ZNF365: variants seen among roughly 807,000 people sequenced by gnomAD.
ZNF365 encodes the protein zinc finger protein 365.
Under a neutral mutation model 35.0 loss-of-function variants are expected in ZNF365, and 22 were observed. The observed-to-expected ratio is 0.63, with a 90% CI of 0.45 to 0.90. ZNF365 has a LOEUF of 0.90. Ranked by LOEUF, ZNF365 falls within the 40% of genes least tolerant of loss-of-function variation. ZNF365 has a pLI of 0.00. For synonymous variants in ZNF365, 188 were observed against 196.2 expected, an observed-to-expected ratio of 0.96 and a Z score of 0.35; for missense variants, 448 against 500.3, an observed-to-expected ratio of 0.90 and a Z score of 1.00.
At chr10:62,443,825 T>C (rs1840541282) in intron 3 of ZNF365, among the ~76,000 whole-genome samples, 1 of 152,164 alleles carries the variant, frequency 6.6e-6, no homozygotes, top group Non-Finnish European at 1.5e-5. Flanking sequence ...CACTGAGAAC[T>C]AATGTCCCTG....
At position 62,376,515 on chromosome 10, in the gene ZNF365, C is replaced by A. The variant is rs764768576; in HGVS notation, c.322C>A (p.His108Asn). Reference protein sequence around the residue: ...YVNLYSISHEHSKDRKPFEVV... With the variant: ...YVNLYSISHENSKDRKPFEVV... ...TAACTTGTACAGCATTTCACATGAA[C>A]ATTCCAAGGACAGGAAGCCATTTGA... Residue 108 changes from histidine to asparagine, a missense_variant, in exon 2 of 5, where the codon CAT becomes AAT. Physicochemically the swap from His to Asn is moderately conservative, Grantham distance 68. Transcript: ENST00000395254. 26 of 1,614,138 alleles carry A rather than the reference C, an allele frequency of 1.6e-5. No homozygotes were observed. The highest frequency in any genetic ancestry group is 2.2e-5 in the Non-Finnish European group (26 of 1,180,040).
chr10:62,424,698 G>A (rs181557306), intron 3 of ZNF365, among the ~76,000 whole-genome samples: 19 of 152,240 alleles, frequency 1.2e-4, no homozygotes, highest in Middle Eastern at 3.4e-3. Flanking sequence ...GGGAACGACC[G>A]CTCCAAATAT....
At chr10:62,459,818 G>T (rs778758443) in intron 4 of ZNF365, 4 of 1,596,814 alleles carry the variant, frequency 2.5e-6, no homozygotes, top group Admixed American at 1.7e-5. Context: ...CACCTGGGTG[G>T]GTGGGTTGGG....
intron 3 of ZNF365, among the ~76,000 whole-genome samples, chr10:62,422,574 C>T (rs1275661041): frequency 6.6e-6 from 1 of 152,104 alleles, no homozygotes; most frequent in African/African-American, 2.4e-5. Context: ...AGGTGCTGTA[C>T]AAATGGAGCT....
intron 3 of ZNF365, among the ~76,000 whole-genome samples, chr10:62,439,760 T>C (rs1840465355): frequency 6.6e-6 from 1 of 152,210 alleles, no homozygotes; most frequent in African/African-American, 2.4e-5. Context: ...TTCTTATATC[T>C]TCTATTACTT....
chr10:62,436,870 G>A (rs1840415934), intron 3 of ZNF365, among the ~76,000 whole-genome samples: 1 of 152,256 alleles, frequency 6.6e-6, no homozygotes, highest in Admixed American at 6.5e-5. Flanking sequence ...GGTTAGGAGG[G>A]TTAAATGCCT....
intron 2 of ZNF365, among the ~76,000 whole-genome samples, chr10:62,385,327 G>A (rs10733773): frequency 0.38 from 58,121 of 151,912 alleles, 11,502 homozygotes; most frequent in Middle Eastern, 0.47. Context: ...TCTTTTCTGT[G>A]ACATGGCATA....
Position 62,400,549 on chromosome 10 carries a change from G to T in ZNF365, c.*760G>T, listed in dbSNP as rs746586328. On this transcript the variant is annotated 3_prime_UTR_variant, in exon 5 of 5. Transcript: ENST00000395254. ...CTTAATAGCTGCTTCTGTGGATATG[G>T]CTGGGGAGCGAAGTAAAATCCTCTT... 4.6e-5 allele frequency: 45 copies of T among 985,880 alleles called. No individual in the cohort carries two copies. The highest frequency in any genetic ancestry group is 5.1e-5 in the Non-Finnish European group (42 of 829,964). The allele number at this position is 985,880 out of a possible 1,614,324, so 61.1% of individuals were successfully genotyped here. A position where few individuals can be genotyped will look rare whatever the true frequency, so the allele number is the denominator to read the frequency against.
At chr10:62,418,328 C>T (rs917869609) in intron 3 of ZNF365, among the ~76,000 whole-genome samples, 1 of 151,874 alleles carries the variant, frequency 6.6e-6, no homozygotes, top group African/African-American at 2.4e-5. Flanking sequence ...GCTTATTTAC[C>T]CTTCTAATGG....
Position 62,401,920 on chromosome 10 carries a change from GT to G in ZNF365, c.*2138del, listed in dbSNP as rs1209396661. On this transcript the variant is annotated 3_prime_UTR_variant, in exon 5 of 5. Coordinates refer to ENST00000395254, the MANE Select transcript of ZNF365 (RefSeq NM_014951.3). ...TGAGATTTGTTTATTATATTAAAAT[GT>G]TTTTTTACGTTCCCACTAAATTTTG... is the stretch of plus-strand genomic sequence containing the variant. 12 of 984,544 alleles carry G rather than the reference GT, an allele frequency of 1.2e-5. No homozygotes were observed. The highest frequency in any genetic ancestry group is 1.2e-5 in the Non-Finnish European group (10 of 829,082). The allele number at this position is 984,544 out of a possible 1,614,324, so 61.0% of individuals were successfully genotyped here.
intron 3 of ZNF365, among the ~76,000 whole-genome samples, chr10:62,445,238 A>C (rs953950947): frequency 6.6e-6 from 1 of 151,086 alleles, no homozygotes; most frequent in East Asian, 1.9e-4. Flanking sequence ...ATAAACATAC[A>C]TGTGCATGTG....
At chr10:62,381,885 C>T (rs1422129259) in intron 2 of ZNF365, among the ~76,000 whole-genome samples, 1 of 152,186 alleles carries the variant, frequency 6.6e-6, no homozygotes, top group East Asian at 1.9e-4. Context: ...TCATCATTTG[C>T]CTCGTTCCAG....
chr10:62,386,465 G>A (rs923382000), intron 2 of ZNF365, among the ~76,000 whole-genome samples: 1 of 152,154 alleles, frequency 6.6e-6, no homozygotes, highest in Admixed American at 6.5e-5. Context: ...TCCTGGTTGG[G>A]AAACTAGAAA....
chr10:62,473,896 G>A (rs1414951713), intron 4 of ZNF365, among the ~76,000 whole-genome samples: 2 of 152,194 alleles, frequency 1.3e-5, no homozygotes, highest in Non-Finnish European at 2.9e-5. Context: ...CACCAAGGAT[G>A]AAGGTTCCTT....
chr10:62,382,160 C>T (rs576210014), intron 2 of ZNF365, among the ~76,000 whole-genome samples: 263 of 152,336 alleles, frequency 1.7e-3, no homozygotes, highest in African/African-American at 6.2e-3. Context: ...AAAGGCAAAT[C>T]TGATTTGGTA....
intron 3 of ZNF365, among the ~76,000 whole-genome samples, chr10:62,421,460 C>CG (rs1840167230): frequency 1.3e-5 from 2 of 151,998 alleles, no homozygotes; most frequent in South Asian, 4.2e-4. Context: ...CTCAGTTAAG[C>CG]GGGTGGGCTT....
intron 3 of ZNF365, among the ~76,000 whole-genome samples, chr10:62,423,370 C>T (rs1167364372): frequency 6.6e-6 from 1 of 152,114 alleles, no homozygotes; most frequent in African/African-American, 2.4e-5. Flanking sequence ...TCCAAGACTC[C>T]TACTTCATAG....
chr10:62,430,675 C>T (rs1840321316), intron 3 of ZNF365, among the ~76,000 whole-genome samples: 2 of 152,182 alleles, frequency 1.3e-5, no homozygotes, highest in African/African-American at 4.8e-5. Flanking sequence ...AACAATCATT[C>T]CTCAGCCATC....
chr10:62,393,115 C>T (rs1214622937), intron 3 of ZNF365, among the ~76,000 whole-genome samples: 6 of 151,326 alleles, frequency 4.0e-5, no homozygotes, highest in African/African-American at 1.5e-4. Context: ...CGCATCTTTT[C>T]CCACTGGAAG....
Sources: gnomAD v4.1 joint callset for allele counts (sites outside exome capture counted in the v4.1 genomes callset) on GRCh38, gnomAD v4.1.1 for gene constraint, MANE v1.5 for transcripts, NCBI Gene and HGNC (gene_info 2026-07-23, HGNC 2026-07-21) for gene names.